CCDC148: variants seen among roughly 807,000 people sequenced by gnomAD.
CCDC148 encodes the protein coiled-coil domain containing 148.
Under a neutral mutation model 85.7 loss-of-function variants are expected in CCDC148, and 89 were observed. The observed-to-expected ratio is 1.04, with a 90% CI of 0.87 to 1.24. The LOEUF (loss-of-function observed/expected upper bound fraction) is 1.24, where lower values mean the gene tolerates loss of function less well. Ranked by LOEUF, CCDC148 falls within the 50% of genes most tolerant of loss-of-function variation. The pLI is 0.00. For synonymous variants in CCDC148, 230 were observed against 213.9 expected (o/e 1.08, Z -0.66); for missense variants, 692 against 671.7 (o/e 1.03, Z -0.33).
intron 1 of CCDC148, among the ~76,000 whole-genome samples, chr2:158,451,050 T>C (rs1226094756): frequency 2.0e-5 from 3 of 152,172 alleles, no homozygotes; most frequent in Non-Finnish European, 4.4e-5. Flanking sequence ...AGTTCACTGA[T>C]TTCTTGTTCT....
chr2:158,281,121 C>G (rs80002599), intron 9 of CCDC148, among the ~76,000 whole-genome samples: 1 of 152,038 alleles, frequency 6.6e-6, no homozygotes, highest in Non-Finnish European at 1.5e-5. Flanking sequence ...GGGACACATT[C>G]AAAGCAGTGT....
chr2:158,265,592 G>A (rs986075344), intron 9 of CCDC148, among the ~76,000 whole-genome samples: 2 of 151,998 alleles, frequency 1.3e-5, no homozygotes, highest in African/African-American at 2.4e-5. Context: ...GTAGCATGTC[G>A]GAATCAATAA....
At chr2:158,313,232 G>A (rs1559063663) in intron 8 of CCDC148, among the ~76,000 whole-genome samples, 1 of 152,178 alleles carries the variant, frequency 6.6e-6, no homozygotes, top group Non-Finnish European at 1.5e-5. Flanking sequence ...ACATCTTTGA[G>A]TTCTGTATTT....
intron 9 of CCDC148, among the ~76,000 whole-genome samples, chr2:158,297,283 T>C (rs912370381): frequency 2.0e-5 from 3 of 152,214 alleles, no homozygotes; most frequent in Non-Finnish European, 2.9e-5. Flanking sequence ...CTGTATCTCC[T>C]GAGCAAATAC....
chr2:158,358,977 C>G (rs1683803419), intron 1 of CCDC148, among the ~76,000 whole-genome samples: 1 of 152,046 alleles, frequency 6.6e-6, no homozygotes, highest in Non-Finnish European at 1.5e-5. Flanking sequence ...ACAGATTTTT[C>G]AGTCATAGAT....
intron 9 of CCDC148, among the ~76,000 whole-genome samples, chr2:158,301,880 G>A (rs972134861): frequency 7.9e-5 from 12 of 152,206 alleles, no homozygotes; most frequent in Admixed American, 6.5e-4. Flanking sequence ...TTCTTGGGAC[G>A]ATAATGTAGA....
intron 1 of CCDC148, among the ~76,000 whole-genome samples, chr2:158,430,249 G>A (rs984998184): frequency 6.6e-6 from 1 of 152,100 alleles, no homozygotes; most frequent in Non-Finnish European, 1.5e-5. Context: ...GAGGAAAACT[G>A]AAATTTGTTA....
chr2:158,416,349 TA>T (rs1686499563), intron 1 of CCDC148, among the ~76,000 whole-genome samples: 1 of 152,230 alleles, frequency 6.6e-6, no homozygotes, highest in African/African-American at 2.4e-5. Context: ...CCTCTTTACT[TA>T]GGCAAATTTT....
At chr2:158,350,458 G>C (rs1365987905) in intron 2 of CCDC148, among the ~76,000 whole-genome samples, 1 of 151,878 alleles carries the variant, frequency 6.6e-6, no homozygotes, top group East Asian at 1.9e-4. Flanking sequence ...ACATTTGTTT[G>C]GTATCTTTAT....
intron 11 of CCDC148, among the ~76,000 whole-genome samples, chr2:158,216,695 A>C (rs1388745253): frequency 6.6e-6 from 1 of 152,200 alleles, no homozygotes; most frequent in East Asian, 1.9e-4. Flanking sequence ...CTAGAAGCCC[A>C]AGATCAATGT....
In CCDC148 at chr2:158,176,610, C is replaced by T. The variant is rs1684600933; in HGVS notation, c.1540G>A (p.Ala514Thr). The change falls in exon 13 of 14, where the codon GCA (alanine) becomes ACA (threonine). Residue 514 changes from alanine to threonine, a missense_variant. By Grantham distance (58) the Ala-to-Thr change is moderately conservative. Coordinates refer to ENST00000283233, the MANE Select transcript of CCDC148 (RefSeq NM_138803.4). ...DPVRMMSDTM[A>T]SKARMGIEIE... is the part of the protein sequence containing the mutation. ...TCAATGCCCATTCTAGCTTTTGATG[C>T]CATTGTATCTGACATCATTCTAACA... 1 of 1,611,894 alleles carries T rather than the reference C, an allele frequency of 6.2e-7. No individual in the cohort carries two copies. The highest frequency in any genetic ancestry group is 8.5e-7 in the Non-Finnish European group (1 of 1,178,730).
intron 11 of CCDC148, among the ~76,000 whole-genome samples, chr2:158,209,438 T>C (rs1686434852): frequency 6.6e-6 from 1 of 152,206 alleles, no homozygotes; most frequent in South Asian, 2.1e-4. Context: ...CAATAAAGTA[T>C]ATAATGGTTG....
chr2:158,184,078 C>T (rs996809803), intron 11 of CCDC148, among the ~76,000 whole-genome samples: 2 of 152,104 alleles, frequency 1.3e-5, no homozygotes, highest in Non-Finnish European at 1.5e-5. Context: ...TCTAACCACA[C>T]GGGCTGGGAG....
chr2:158,309,171 G>A (rs1474776236), intron 9 of CCDC148, among the ~76,000 whole-genome samples: 1 of 152,090 alleles, frequency 6.6e-6, no homozygotes, highest in Admixed American at 6.5e-5. Context: ...GCACATCTAT[G>A]GTTGGTATTG....
intron 10 of CCDC148, among the ~76,000 whole-genome samples, chr2:158,224,742 C>G (rs1039323470): frequency 8.5e-5 from 13 of 152,292 alleles, no homozygotes; most frequent in African/African-American, 2.6e-4. Context: ...ATTTTACAGA[C>G]AAGCAAATGC....
At position 158,332,818 on chromosome 2, in the gene CCDC148, G is replaced by A. The variant is rs538751733; in HGVS notation, c.764+5908C>T. On this transcript the variant is annotated intron_variant, in intron 7 of 13. Coordinates refer to ENST00000283233, the MANE Select transcript of CCDC148 (RefSeq NM_138803.4). ...CTTTTAGATTTTCTAGTTTATTTGC[G>A]TAGAGGTGTTTATAGTATTCTCTGA... Among the ~76,000 whole-genome samples the A allele has an allele frequency of 1.8e-4, 27 of 152,054 alleles. No individual in the cohort carries two copies. The East Asian group carries it at 2.9e-3, about 16-fold the overall frequency.
chr2:158,391,519 C>A (rs1685307340), intron 1 of CCDC148, among the ~76,000 whole-genome samples: 1 of 152,086 alleles, frequency 6.6e-6, no homozygotes, highest in Non-Finnish European at 1.5e-5. Flanking sequence ...TTCCTTATTT[C>A]TGAAAACACA....
chr2:158,222,822 T>C (rs1315625967), intron 10 of CCDC148, among the ~76,000 whole-genome samples: 1 of 152,154 alleles, frequency 6.6e-6, no homozygotes, highest in Non-Finnish European at 1.5e-5. Context: ...TCTTCAAGAA[T>C]TCAGATACTT....
intron 9 of CCDC148, among the ~76,000 whole-genome samples, chr2:158,278,438 C>G (rs939977370): frequency 6.6e-6 from 1 of 152,192 alleles, no homozygotes; most frequent in African/African-American, 2.4e-5. Context: ...CCGCACTTTT[C>G]CGATGGGCTT....
Sources: gnomAD v4.1 joint callset for allele counts (sites outside exome capture counted in the v4.1 genomes callset) on GRCh38, gnomAD v4.1.1 for gene constraint, MANE v1.5 for transcripts, NCBI Gene and HGNC (gene_info 2026-07-23, HGNC 2026-07-21) for gene names.